NAT1: variants seen among roughly 807,000 people sequenced by gnomAD.
The protein encoded by NAT1 is arylamine N-acetyltransferase 1.
For synonymous variants in NAT1, 144 were observed against 122.6 expected, an observed-to-expected ratio of 1.17 and a Z score of -1.16; for missense variants, 400 against 339.2, an observed-to-expected ratio of 1.18 and a Z score of -1.41.
At chr8:18,202,598 T>C (rs111520554) in intron 2 of NAT1, among the ~76,000 whole-genome samples, 146 of 152,292 alleles carry the variant, frequency 9.6e-4, no homozygotes, top group Middle Eastern at 3.4e-3. Context: ...TCTCGCTGAC[T>C]TCAGGAGTGA....
chr8:18,215,337 G>T (rs17693103), intron 1 of NAT1, among the ~76,000 whole-genome samples: 21,300 of 152,180 alleles, frequency 0.14, 1,820 homozygotes, highest in East Asian at 0.37. Flanking sequence ...CCTTGACTGC[G>T]TTCTATTTTA....
intron 2 of NAT1, among the ~76,000 whole-genome samples, chr8:18,193,727 C>T (rs1198938916): frequency 6.8e-6 from 1 of 147,814 alleles, no homozygotes; most frequent in East Asian, 2.0e-4. Flanking sequence ...CTACAACCTC[C>T]GCCTCCTGGG....
At chr8:18,207,535 T>C (rs894007107), upstream of NAT1, among the ~76,000 whole-genome samples, 1 of 152,206 alleles carries the variant, frequency 6.6e-6, no homozygotes, top group African/African-American at 2.4e-5. Context: ...TCACTGATCA[T>C]TAGAGAAATG....
upstream of NAT1, among the ~76,000 whole-genome samples, chr8:18,207,791 T>C (rs1161654163): frequency 4.6e-5 from 7 of 152,170 alleles, no homozygotes; most frequent in African/African-American, 1.7e-4. Flanking sequence ...ATATAAATCA[T>C]TCTATTATAA....
intron 1 of NAT1, among the ~76,000 whole-genome samples, chr8:18,218,653 T>C (rs1470240309): frequency 3.9e-5 from 6 of 152,176 alleles, no homozygotes. Flanking sequence ...GGTGAAGTTT[T>C]AACAGCTCAC....
intron 2 of NAT1, among the ~76,000 whole-genome samples, chr8:18,182,559 A>G (rs902530813): frequency 2.6e-5 from 4 of 152,102 alleles, no homozygotes; most frequent in African/African-American, 9.7e-5. Flanking sequence ...GCAGTGTCAT[A>G]TTTGTCATGA....
intron 2 of NAT1, among the ~76,000 whole-genome samples, chr8:18,190,980 T>G (rs1263939561): frequency 2.0e-5 from 3 of 151,278 alleles, no homozygotes; most frequent in Admixed American, 2.0e-4. Flanking sequence ...GGCAGGAGAA[T>G]CTCTTGAACC....
intron 2 of NAT1, among the ~76,000 whole-genome samples, chr8:18,191,462 G>T (rs1802987970): frequency 6.6e-6 from 1 of 152,010 alleles, no homozygotes; most frequent in African/African-American, 2.4e-5. Flanking sequence ...AGCTACCAAT[G>T]ACTTTCTTCA....
At chr8:18,191,316 A>G (rs1802980690) in intron 2 of NAT1, among the ~76,000 whole-genome samples, 1 of 152,170 alleles carries the variant, frequency 6.6e-6, no homozygotes, top group Non-Finnish European at 1.5e-5. Context: ...ATTTTCACTT[A>G]GTGGTGTTTT....
At chr8:18,206,719 C>T (rs4921579), upstream of NAT1, among the ~76,000 whole-genome samples, 317 of 152,074 alleles carry the variant, frequency 2.1e-3, 6 homozygotes, top group Admixed American at 0.018. Context: ...GGATATTAGA[C>T]CTTTGATGGA....
chr8:18,192,852 A>C (rs1441016905), intron 2 of NAT1, among the ~76,000 whole-genome samples: 4 of 139,292 alleles, frequency 2.9e-5, no homozygotes, highest in Admixed American at 7.1e-5. Context: ...GGGTGGGGGA[A>C]GGGGGGAGGG....
chr8:18,215,169 C>A (rs888165198), intron 1 of NAT1, among the ~76,000 whole-genome samples: 6 of 152,126 alleles, frequency 3.9e-5, no homozygotes, highest in African/African-American at 1.4e-4. Flanking sequence ...CATAGTATTC[C>A]ATGGTGTATA....
intron 2 of NAT1, among the ~76,000 whole-genome samples, chr8:18,193,614 T>A (rs1454528970): frequency 6.9e-6 from 1 of 145,508 alleles, no homozygotes; most frequent in South Asian, 2.1e-4. Context: ...ATTGTAATAA[T>A]GCTACCTGTA....
rs188559876 is a variant in NAT1, at chr8:18,179,590, G to C, written n.92+8851G>C. On this transcript the variant is annotated intron_variant and non_coding_transcript_variant, in intron 2 of 4. Transcript: ENST00000517441. ...AAGGGCAGAACTGATTTTGGTGCAT[G>C]ATTAGCAGTCCCTGCTGGAGTCTGC... Among the ~76,000 whole-genome samples the C allele has an allele frequency of 7.2e-5, 11 of 152,288 alleles. No individual in the cohort carries two copies. The South Asian group carries it at 2.3e-3, about 32-fold the overall frequency.
intron 2 of NAT1, among the ~76,000 whole-genome samples, chr8:18,175,597 C>G (rs1260622081): frequency 6.6e-6 from 1 of 152,130 alleles, no homozygotes; most frequent in East Asian, 1.9e-4. Context: ...AGTATGTTTT[C>G]TTTATCCATA....
chr8:18,177,473 T>C (rs887714973), intron 2 of NAT1, among the ~76,000 whole-genome samples: 1 of 152,146 alleles, frequency 6.6e-6, no homozygotes, highest in African/African-American at 2.4e-5. Context: ...AATTGCTTTA[T>C]TTTTATAAGT....
intron 2 of NAT1, among the ~76,000 whole-genome samples, chr8:18,181,091 T>C (rs1802495041): frequency 6.6e-6 from 1 of 152,110 alleles, no homozygotes. Context: ...TTACTTTGAG[T>C]AGTATGGCCA....
chr8:18,202,395 T>C (rs775134630), intron 2 of NAT1, among the ~76,000 whole-genome samples: 2 of 152,248 alleles, frequency 1.3e-5, no homozygotes, highest in African/African-American at 2.4e-5. Flanking sequence ...AACTGTCAAA[T>C]GAAGACCCTT....
rs1316364975 is a variant in NAT1 at position 18,190,651 on chromosome 8, G to A, written n.93-19130G>A. Among the ~76,000 whole-genome samples the A allele has an allele frequency of 3.9e-5, 6 of 152,218 alleles. No homozygotes were observed. In the East Asian group the frequency reaches 9.6e-4, roughly 24 times the overall value. ...GTGATACCCACTGCTGAAATAGCAT[G>A]TGGAGCACTGATGCAGGAGGCCAGT... On this transcript the variant is annotated intron_variant and non_coding_transcript_variant, in intron 2 of 4. Coordinates refer to the NAT1 transcript ENST00000517441.
Sources: gnomAD v4.1 joint callset for allele counts (sites outside exome capture counted in the v4.1 genomes callset) on GRCh38, gnomAD v4.1.1 for gene constraint, MANE v1.5 for transcripts, NCBI Gene and HGNC (gene_info 2026-07-23, HGNC 2026-07-21) for gene names.